SLC4A4: variants seen among roughly 807,000 people sequenced by gnomAD.
The protein encoded by SLC4A4 is electrogenic sodium bicarbonate cotransporter 1.
SLC4A4 carries 27 observed loss-of-function variants against 111.5 expected under a neutral mutation model. The observed-to-expected ratio is 0.24, with a 90% CI of 0.18 to 0.33. SLC4A4 has a LOEUF of 0.33. SLC4A4 is among the 10% of genes least tolerant of loss of function. SLC4A4 has a pLI of 1.00. For missense variants in SLC4A4, 909 were observed against 1,315.5 expected (o/e 0.69, Z 4.78); for synonymous variants, 443 against 463.4 (o/e 0.96, Z 0.57).
chr4:71,245,712 G>C (rs1560809378), intron 2 of SLC4A4, among the ~76,000 whole-genome samples: 1 of 152,094 alleles, frequency 6.6e-6, no homozygotes, highest in Non-Finnish European at 1.5e-5. Context: ...CAGGGATGGA[G>C]ATATAAATCT....
chr4:71,440,631 A>T lies in SLC4A4; in HGVS notation c.823A>T (p.Met275Leu). The T allele has an allele frequency of 6.2e-7, 1 of 1,614,136 alleles. No individual in the cohort carries two copies. The highest frequency in any genetic ancestry group is 8.5e-7 in the Non-Finnish European group (1 of 1,179,986). ...PEKDQLKNKF[M>L]KKLPRDAEAS... ...TCTCATGCAGCTGAAGAATAAGTTC[A>T]TGAAAAAATTGCCACGTGATGCAGA... Residue 275 changes from methionine (M) to leucine (L), a missense_variant, in exon 8 of 26, where the codon ATG becomes TTG. This residue lies in a region of SLC4A4 where 312 missense variants were observed against 402.0 expected (regional missense o/e 0.78). Transcript: ENST00000264485.
intron 13 of SLC4A4, among the ~76,000 whole-genome samples, chr4:71,471,049 A>T (rs1560537085): frequency 6.6e-6 from 1 of 152,020 alleles, no homozygotes; most frequent in Non-Finnish European, 1.5e-5. Flanking sequence ...TGGTCAGGAC[A>T]TAAAATTAAT....
intron 3 of SLC4A4, among the ~76,000 whole-genome samples, chr4:71,255,814 T>C (rs1174936541): frequency 6.6e-6 from 1 of 152,172 alleles, no homozygotes; most frequent in Non-Finnish European, 1.5e-5. Flanking sequence ...TTACATATCT[T>C]ACCAAATGTC....
intron 2 of SLC4A4, 138 bp downstream of exon 2, chr4:71,236,787 AT>A: frequency 2.7e-6 from 2 of 743,052 alleles, no homozygotes; most frequent in Non-Finnish European, 4.6e-6. Flanking sequence ...CAATCTCTAC[AT>A]TTGCTTCAAC....
chr4:71,466,601 C>A (rs753095503), intron 13 of SLC4A4, 24 bp downstream of exon 13: 1 of 1,608,296 alleles, frequency 6.2e-7, no homozygotes, highest in South Asian at 1.1e-5. Flanking sequence ...TATTTAATTG[C>A]AAATTAGAAT....
intron 10 of SLC4A4, among the ~76,000 whole-genome samples, 183 bp from the exon 11 acceptor site, chr4:71,451,005 A>G (rs549188476): frequency 1.3e-5 from 2 of 152,302 alleles, no homozygotes; most frequent in East Asian, 3.9e-4. Context: ...CTATTCATCC[A>G]GTCATTTGTA....
intron 2 of SLC4A4, among the ~76,000 whole-genome samples, chr4:71,249,450 C>A (rs148724489): frequency 4.6e-4 from 70 of 152,166 alleles, no homozygotes; most frequent in African/African-American, 1.6e-3. Context: ...CTGGTAACTG[C>A]AAAATTATGC....
At chr4:71,171,057 C>G (rs1384520568) in intron 2 of SLC4A4, among the ~76,000 whole-genome samples, 1 of 152,046 alleles carries the variant, frequency 6.6e-6, no homozygotes, top group East Asian at 1.9e-4. Context: ...TGGTTGAAGC[C>G]ATGTCATGAA....
intron 2 of SLC4A4, among the ~76,000 whole-genome samples, chr4:71,095,170 C>T (rs767268713): frequency 6.6e-5 from 10 of 152,176 alleles, no homozygotes; most frequent in Non-Finnish European, 1.3e-4. Context: ...CCTACTTCTA[C>T]GTGAAGCCAT....
intron 1 of SLC4A4, among the ~76,000 whole-genome samples, chr4:71,213,234 C>A (rs1718239451): frequency 6.6e-6 from 1 of 152,226 alleles, no homozygotes; most frequent in Non-Finnish European, 1.5e-5. Flanking sequence ...TTCCTGCATA[C>A]AGGGTGTTGC....
intron 20 of SLC4A4, among the ~76,000 whole-genome samples, chr4:71,554,452 T>C (rs1252003492): frequency 2.0e-5 from 3 of 151,870 alleles, no homozygotes; most frequent in African/African-American, 7.2e-5. Flanking sequence ...CTTCTCCTTG[T>C]TAAAACACTT....
At chr4:71,373,014 A>G (rs926417945) in intron 6 of SLC4A4, among the ~76,000 whole-genome samples, 8 of 152,178 alleles carry the variant, frequency 5.3e-5, no homozygotes, top group African/African-American at 1.4e-4. Flanking sequence ...TAAACAATTC[A>G]AAATCTTTTA....
intron 3 of SLC4A4, among the ~76,000 whole-genome samples, chr4:71,275,036 C>G (rs1261935385): frequency 1.3e-5 from 2 of 151,744 alleles, no homozygotes; most frequent in East Asian, 3.9e-4. Context: ...TTCATTGATT[C>G]CTTTGGAGAA....
chr4:71,117,946 G>A (rs1164100867), intron 2 of SLC4A4, among the ~76,000 whole-genome samples: 1 of 143,578 alleles, frequency 7.0e-6, no homozygotes, highest in Non-Finnish European at 1.5e-5. Context: ...GTGCTATCTT[G>A]CCTCACTGTA....
chr4:71,373,123 A>G (rs1732036190), intron 6 of SLC4A4, among the ~76,000 whole-genome samples: 1 of 152,204 alleles, frequency 6.6e-6, no homozygotes, highest in Non-Finnish European at 1.5e-5. Flanking sequence ...TGGTGAACCC[A>G]GAGAATTCAC....
chr4:71,190,780 T>C (rs1745697342), intron 1 of SLC4A4, among the ~76,000 whole-genome samples: 1 of 152,232 alleles, frequency 6.6e-6, no homozygotes, highest in South Asian at 2.1e-4. Context: ...GTATAAATGC[T>C]AATGGCTTTA....
chr4:71,188,525 T>C (rs1453461399), intron 1 of SLC4A4, among the ~76,000 whole-genome samples: 1 of 152,198 alleles, frequency 6.6e-6, no homozygotes, highest in Non-Finnish European at 1.5e-5. Flanking sequence ...TCTCAAATCC[T>C]GCAGCAGTTC....
intron 16 of SLC4A4, among the ~76,000 whole-genome samples, chr4:71,518,241 C>CT (rs1300373273): frequency 6.6e-6 from 1 of 152,058 alleles, no homozygotes; most frequent in Non-Finnish European, 1.5e-5. Context: ...TGCCTGGAGA[C>CT]TAAGTCTGTG....
Position 71,369,816 on chromosome 4 carries a change from A to G in SLC4A4, c.730+12629A>G, listed in dbSNP as rs964487897. 2.0e-5 allele frequency among the ~76,000 whole-genome samples: 3 copies of G among 152,198 alleles called. No homozygotes were observed. The South Asian group carries it at 6.2e-4, about 32-fold the overall frequency. On this transcript the variant is annotated intron_variant, in intron 6 of 25. Transcript: ENST00000264485. The stretch of plus-strand genomic sequence containing the variant: ...TATAATTTTTTTAAAGTAGAGTATT[A>G]AGAGATGAATAAGGTGATTCCCTGT...
Sources: gnomAD v4.1 joint callset for allele counts (sites outside exome capture counted in the v4.1 genomes callset) on GRCh38, gnomAD v4.1.1 for gene constraint, gnomAD v4.1.1 regional missense constraint, MANE v1.5 for transcripts, NCBI Gene and HGNC (gene_info 2026-07-23, HGNC 2026-07-21) for gene names.